ERC2: variants seen among roughly 807,000 people sequenced by gnomAD.
The protein encoded by ERC2 is ERC protein 2.
A neutral mutation model predicts 114.8 loss-of-function variants in ERC2; 42 were observed. The ratio of observed to expected loss-of-function variants is 0.37; its 90% confidence interval spans 0.29 to 0.47. The LOEUF (loss-of-function observed/expected upper bound fraction) is 0.47, where lower values mean the gene tolerates loss of function less well. Ranked by LOEUF, ERC2 falls within the 20% of genes least tolerant of loss-of-function variation. ERC2 has a pLI of 0.99. For synonymous variants in ERC2, 454 were observed against 425.5 expected, an observed-to-expected ratio of 1.07 and a Z score of -0.82; for missense variants, 939 against 1,150.7, an observed-to-expected ratio of 0.82 and a Z score of 2.66.
At chr3:55,877,415 G>T (rs565796661) in intron 14 of ERC2, among the ~76,000 whole-genome samples, 1 of 152,220 alleles carries the variant, frequency 6.6e-6, no homozygotes, top group East Asian at 1.9e-4. Context: ...ACTACAACTG[G>T]CAGAGTCAGG....
chr3:56,144,631 G>T (rs932779222), intron 5 of ERC2, among the ~76,000 whole-genome samples: 11 of 152,200 alleles, frequency 7.2e-5, no homozygotes, highest in Non-Finnish European at 4.4e-5. Context: ...AGACAATAGG[G>T]TTTAGTCAGG....
chr3:55,672,871 GC>G (rs1316881881), intron 17 of ERC2, among the ~76,000 whole-genome samples: 1 of 152,156 alleles, frequency 6.6e-6, no homozygotes, highest in Admixed American at 6.5e-5. Context: ...GGAGTCTCTT[GC>G]ATGGAGTCAG....
chr3:55,706,473 T>C (rs957359838), intron 15 of ERC2, among the ~76,000 whole-genome samples: 5 of 152,170 alleles, frequency 3.3e-5, no homozygotes, highest in African/African-American at 1.2e-4. Context: ...CTCGGCTCAC[T>C]GTAACCTCTA....
intron 14 of ERC2, among the ~76,000 whole-genome samples, chr3:55,856,125 T>C (rs1028828508): frequency 2.0e-5 from 3 of 152,228 alleles, no homozygotes; most frequent in African/African-American, 7.2e-5. Flanking sequence ...ACGGATTCTC[T>C]TGATAACAAT....
intron 14 of ERC2, among the ~76,000 whole-genome samples, chr3:55,851,113 T>C (rs2061552842): frequency 1.3e-5 from 2 of 150,628 alleles, no homozygotes; most frequent in East Asian, 1.9e-4. Context: ...TGCTGGCACA[T>C]TCTTGGAAAA....
In ERC2 at chr3:55,835,303, A is replaced by C. The variant is rs536981967; in HGVS notation, c.2564+53086T>G. Among the ~76,000 whole-genome samples the C allele has an allele frequency of 1.2e-4, 18 of 152,312 alleles. No homozygotes were observed. In the East Asian group the frequency reaches 3.3e-3, roughly 28 times the overall value. Reference sequence around the variant, plus strand: ...ACCTGGGCAGAGACACAACCAAAAAAGGGAATTTTAGACCAATATCCTTGA... The same window carrying C: ...ACCTGGGCAGAGACACAACCAAAAACGGGAATTTTAGACCAATATCCTTGA... On this transcript the variant is annotated intron_variant, in intron 14 of 17. Transcript: ENST00000288221.
intron 2 of ERC2, among the ~76,000 whole-genome samples, chr3:56,348,275 A>C (rs1247386196): frequency 6.6e-6 from 1 of 152,102 alleles, no homozygotes; most frequent in Non-Finnish European, 1.5e-5. Context: ...GAGATTATGG[A>C]CTGAAATGTC....
At chr3:55,875,253 G>A (rs567232981) in intron 14 of ERC2, among the ~76,000 whole-genome samples, 77 of 152,312 alleles carry the variant, frequency 5.1e-4, no homozygotes, top group African/African-American at 1.7e-3. Flanking sequence ...CAAGCTCAGG[G>A]CTCAGTGAAC....
intron 10 of ERC2, among the ~76,000 whole-genome samples, chr3:56,005,884 T>C (rs1036552409): frequency 7.2e-5 from 11 of 152,086 alleles, no homozygotes; most frequent in African/African-American, 2.7e-4. Flanking sequence ...AGAGCACATT[T>C]ATATAGGTCA....
chr3:56,254,665 T>C (rs2052398687), intron 3 of ERC2, among the ~76,000 whole-genome samples: 1 of 152,196 alleles, frequency 6.6e-6, no homozygotes, highest in Non-Finnish European at 1.5e-5. Flanking sequence ...AAGCCCAAAA[T>C]GAATGTTGAA....
At chr3:55,559,343 T>C (rs1420528010) in intron 17 of ERC2, among the ~76,000 whole-genome samples, 1 of 152,266 alleles carries the variant, frequency 6.6e-6, no homozygotes, top group East Asian at 1.9e-4. Context: ...AAGAGTAGTG[T>C]GTGCATGCAC....
intron 17 of ERC2, among the ~76,000 whole-genome samples, chr3:55,652,917 T>C (rs1233149992): frequency 6.7e-6 from 1 of 149,380 alleles, no homozygotes; most frequent in Non-Finnish European, 1.5e-5. Context: ...TTGAGAAATG[T>C]AGAAACTGAG....
rs2055424950 is a variant in ERC2, at chr3:56,296,219, C to G, written c.874G>C (p.Glu292Gln). 6.2e-7 allele frequency: 1 copy of G among 1,613,980 alleles called. No individual in the cohort carries two copies. Among genetic ancestry groups the G allele is most frequent in the Non-Finnish European group, 8.5e-7 (1 of 1,179,878 alleles). ...KTLEEMELRI[E>Q]TQKQTLNARD... ...GCATTGAGGGTTTGTTTCTGCGTTT[C>G]AATTCTCAGCTCCATTTCCTCTAAT... The change falls in exon 3 of 18, where the codon GAA becomes CAA. Residue 292 changes from glutamate to glutamine, a missense_variant. Glu to Gln is a conservative substitution (Grantham distance 29). Coordinates refer to ENST00000288221, the MANE Select transcript of ERC2 (RefSeq NM_015576.3).
chr3:56,163,168 T>C (rs1049736405), intron 4 of ERC2, among the ~76,000 whole-genome samples: 1 of 152,178 alleles, frequency 6.6e-6, no homozygotes, highest in Non-Finnish European at 1.5e-5. Context: ...CATGTAATTA[T>C]GTGCTTTTGA....
intron 17 of ERC2, among the ~76,000 whole-genome samples, chr3:55,617,094 G>C (rs750136129): frequency 5.3e-5 from 8 of 152,190 alleles, no homozygotes; most frequent in Non-Finnish European, 8.8e-5. Flanking sequence ...TTTTGCCCAA[G>C]ATCAGCCTGG....
At chr3:56,040,190 C>T (rs1210007395) in intron 7 of ERC2, among the ~76,000 whole-genome samples, 3 of 152,060 alleles carry the variant, frequency 2.0e-5, no homozygotes, top group East Asian at 1.9e-4. Flanking sequence ...GAAACATAGA[C>T]GTTGAACACC....
At chr3:56,314,810 G>C (rs2056787139) in intron 2 of ERC2, among the ~76,000 whole-genome samples, 1 of 152,174 alleles carries the variant, frequency 6.6e-6, no homozygotes, top group South Asian at 2.1e-4. Flanking sequence ...ACCACTGGTT[G>C]TCTGAAGTCA....
chr3:55,836,015 A>C (rs1575777782), intron 14 of ERC2, among the ~76,000 whole-genome samples: 1 of 151,290 alleles, frequency 6.6e-6, no homozygotes, highest in Non-Finnish European at 1.5e-5. Context: ...TGTTTCAAAG[A>C]GAATAAAATA....
At chr3:55,577,297 G>A (rs1690756113) in intron 17 of ERC2, among the ~76,000 whole-genome samples, 1 of 152,074 alleles carries the variant, frequency 6.6e-6, no homozygotes, top group Non-Finnish European at 1.5e-5. Context: ...AATCCAAGCT[G>A]AGTGAAAGAA....
Sources: allele counts gnomAD v4.1 joint callset (sites outside exome capture counted in the v4.1 genomes callset), GRCh38; gene constraint gnomAD v4.1.1; transcripts MANE v1.5; gene names NCBI Gene and HGNC (gene_info 2026-07-23, HGNC 2026-07-21).